Variants in NLRC5 observed in about 807,000 individuals in gnomAD.
The protein encoded by NLRC5 is protein NLRC5.
Under a neutral mutation model 206.9 loss-of-function variants are expected in NLRC5, and 114 were observed. That is an observed-to-expected ratio of 0.55 (90% CI 0.47 to 0.64). NLRC5 has a LOEUF of 0.64. NLRC5 is among the 30% of genes least tolerant of loss of function. The pLI is 0.00. For synonymous variants in NLRC5, 952 were observed against 962.8 expected (o/e 0.99, Z 0.21); for missense variants, 2,008 against 2,305.5 (o/e 0.87, Z 2.64).
intron 3 of NLRC5, among the ~76,000 whole-genome samples, chr16:57,021,564 C>T (rs1468597937): frequency 2.0e-5 from 3 of 152,148 alleles, no homozygotes; most frequent in African/African-American, 7.2e-5. Flanking sequence ...AGAGACAGGA[C>T]ATCACTGTGT....
intron 16 of NLRC5, 148 bp downstream of exon 16, chr16:57,039,997 A>T: frequency 2.7e-6 from 2 of 736,566 alleles, no homozygotes; most frequent in East Asian, 5.0e-5. Context: ...TTGGCAAAGG[A>T]TGCAGCCCCA....
chr16:57,041,720 G>C (rs751797265), intron 18 of NLRC5, 146 bp downstream of exon 18: 7 of 708,674 alleles, frequency 9.9e-6, no homozygotes, highest in African/African-American at 1.8e-5. Flanking sequence ...GGTGAAAGTT[G>C]TGACTCTTCC....
chr16:57,079,658 C>A, intron 46 of NLRC5, 29 bp downstream of exon 46: 1 of 1,605,392 alleles, frequency 6.2e-7, no homozygotes, highest in Non-Finnish European at 8.5e-7. Flanking sequence ...CCTGAGCTGG[C>A]TGGGAAAAGG....
chr16:57,048,508 T>C (rs1392733519), intron 23 of NLRC5, among the ~76,000 whole-genome samples: 1 of 151,950 alleles, frequency 6.6e-6, no homozygotes, highest in Non-Finnish European at 1.5e-5. Context: ...TTCAAACATA[T>C]AACCACAAAA....
intron 1 of NLRC5, among the ~76,000 whole-genome samples, chr16:56,991,379 C>CTTT (rs55678024): frequency 9.4e-6 from 1 of 105,904 alleles, no homozygotes; most frequent in African/African-American, 3.5e-5. Context: ...TTCTTTATTC[C>CTTT]TTTTTTTTTT....
chr16:57,070,748 T>C (rs1259865952), intron 38 of NLRC5, 130 bp downstream of exon 38: 3 of 665,308 alleles, frequency 4.5e-6, no homozygotes, highest in African/African-American at 2.3e-5. Flanking sequence ...TAATGGGGAA[T>C]GGGGTGAGTG....
intron 5 of NLRC5, 30 bp from the exon 6 acceptor site, chr16:57,025,338 C>T: frequency 2.6e-6 from 4 of 1,511,980 alleles, no homozygotes; most frequent in Non-Finnish European, 3.5e-6. Context: ...GGGGGGTCCT[C>T]TCCTCATGCC....
rs79578400 is a variant in NLRC5 at position 57,011,779 on chromosome 16, C to G, written c.-127-5295C>G. ...CCATCATAGATGGTACAAACACTTC[C>G]CAGTTTGTTGCTTTCGTTTTGTTTG... On this transcript the variant is annotated intron_variant, in intron 1 of 48. Transcript: ENST00000688547. Among the ~76,000 whole-genome samples the G allele has an allele frequency of 8.7e-3, 1,315 of 151,576 alleles. 22 individuals carry two copies. The highest frequency in any genetic ancestry group is 0.03 in the African/African-American group (1,227 of 41,326).
chr16:57,058,829 G>C, intron 28 of NLRC5, 143 bp from the exon 29 acceptor site: 1 of 749,042 alleles, frequency 1.3e-6, no homozygotes, highest in Non-Finnish European at 2.3e-6. Flanking sequence ...CTGGGCCTCA[G>C]TGTGTCCATC....
intron 32 of NLRC5, chr16:57,062,250 A>G (rs1597408045): frequency 2.3e-6 from 1 of 428,250 alleles, no homozygotes; most frequent in Non-Finnish European, 4.5e-6. Flanking sequence ...CATTTTTTTC[A>G]GTAATCACAG....
chr16:57,082,732 C>T lies in NLRC5; in HGVS notation c.*204C>T, dbSNP rs1268296518. ...GGAGCTGGGTCTGGACAAAGGAGTA[C>T]CCTGCATTACGTGGGATATGTGTGA... is the stretch of plus-strand genomic sequence containing the variant. On this transcript the variant is annotated 3_prime_UTR_variant, in exon 49 of 49. Transcript: ENST00000688547. 1 of 531,200 alleles carries T rather than the reference C, an allele frequency of 1.9e-6. No individual in the cohort carries two copies. The highest frequency in any genetic ancestry group is 3.0e-5 in the East Asian group (1 of 33,098). The allele number at this position is 531,200 out of a possible 1,614,324, so 32.9% of individuals were successfully genotyped here. A position where few individuals can be genotyped will look rare whatever the true frequency, so the allele number is the denominator to read the frequency against.
chr16:57,044,768 A>G (rs1306369447), intron 20 of NLRC5, among the ~76,000 whole-genome samples: 1 of 151,918 alleles, frequency 6.6e-6, no homozygotes, highest in Admixed American at 6.6e-5. Flanking sequence ...CAGAAACTTT[A>G]AAAATTAGCC....
intron 23 of NLRC5, 25 bp downstream of exon 23, chr16:57,047,653 G>C: frequency 6.3e-7 from 1 of 1,590,228 alleles, no homozygotes; most frequent in Non-Finnish European, 8.6e-7. Flanking sequence ...CACAGCCCCA[G>C]AGGGCACCAT....
chr16:57,041,762 G>C (rs1234481855), intron 18 of NLRC5, among the ~76,000 whole-genome samples, 188 bp downstream of exon 18: 1 of 152,108 alleles, frequency 6.6e-6, no homozygotes, highest in Non-Finnish European at 1.5e-5. Flanking sequence ...TGTCTGACAC[G>C]CTCGGAGGCT....
intron 14 of NLRC5, 32 bp from the exon 15 acceptor site, chr16:57,037,163 T>C: frequency 9.4e-6 from 15 of 1,591,226 alleles, no homozygotes; most frequent in Non-Finnish European, 1.2e-5. Context: ...CTCAGCCACA[T>C]GCCAACGGCT....
In NLRC5 at chr16:57,058,117, C is replaced by A; in HGVS notation, c.3799C>A (p.Leu1267Met). The A allele has an allele frequency of 6.2e-7, 1 of 1,611,340 alleles. No individual in the cohort carries two copies. The highest frequency in any genetic ancestry group is 8.5e-7 in the Non-Finnish European group (1 of 1,178,554). Residue 1267 changes from leucine to methionine, a missense_variant, in exon 28 of 49, where the codon CTG becomes ATG. Coordinates refer to ENST00000688547, the MANE Select transcript of NLRC5 (RefSeq NM_001384950.1). Reference sequence around the variant, plus strand: ...CGGACTCAGATGCCTTCTGGAATGTCTGCCGCAGGTGCCCATCTCCGGTTT... The same window carrying A: ...CGGACTCAGATGCCTTCTGGAATGTATGCCGCAGGTGCCCATCTCCGGTTT... ...DSGLRCLLEC[L>M]PQVPISGLLD...
intron 43 of NLRC5, among the ~76,000 whole-genome samples, chr16:57,078,828 G>A (rs8056237): frequency 1.6e-4 from 25 of 152,164 alleles, no homozygotes; most frequent in African/African-American, 5.5e-4. Context: ...GCCAGGAGAG[G>A]TGTGGAGAAT....
At chr16:57,054,538 A>G (rs1225508456) in intron 24 of NLRC5, among the ~76,000 whole-genome samples, 1 of 152,146 alleles carries the variant, frequency 6.6e-6, no homozygotes, top group Admixed American at 6.5e-5. Context: ...AGGTGAAGTC[A>G]CTTCTCCAAG....
At chr16:57,055,411 T>C in intron 26 of NLRC5, 22 bp from the exon 27 acceptor site, 1 of 1,611,230 alleles carries the variant, frequency 6.2e-7, no homozygotes, top group Non-Finnish European at 8.5e-7. Context: ...ATCCCCTGCT[T>C]GTCCCCTTTA....
Sources: gnomAD v4.1 joint callset for allele counts (sites outside exome capture counted in the v4.1 genomes callset) on GRCh38, gnomAD v4.1.1 for gene constraint, MANE v1.5 for transcripts, NCBI Gene and HGNC (gene_info 2026-07-23, HGNC 2026-07-21) for gene names.